Variants in ARHGAP15 observed in about 807,000 individuals in gnomAD.
ARHGAP15 encodes the protein Rho GTPase activating protein 15.
ARHGAP15 carries 51 observed loss-of-function variants against 63.7 expected under a neutral mutation model. The observed-to-expected ratio is 0.80, with a 90% confidence interval of 0.64 to 1.01. ARHGAP15 has a LOEUF of 1.01. ARHGAP15 is among the 50% of genes least tolerant of loss of function. ARHGAP15 has a pLI of 0.00. For missense variants in ARHGAP15, 560 were observed against 564.6 expected (o/e 0.99, Z 0.08); for synonymous variants, 191 against 193.8 (o/e 0.99, Z 0.12).
At chr2:143,470,649 G>A (rs1011797944) in intron 8 of ARHGAP15, among the ~76,000 whole-genome samples, 3 of 129,954 alleles carry the variant, frequency 2.3e-5, no homozygotes, top group South Asian at 5.1e-4. Context: ...ATATGTGTGT[G>A]TATATATATA....
At chr2:143,401,847 CTT>C (rs1688000390) in intron 6 of ARHGAP15, among the ~76,000 whole-genome samples, 1 of 151,914 alleles carries the variant, frequency 6.6e-6, no homozygotes, top group Non-Finnish European at 1.5e-5. Flanking sequence ...TTAAACTAAA[CTT>C]TTTAGAACGA....
At chr2:143,137,507 A>G (rs1573995208) in intron 1 of ARHGAP15, among the ~76,000 whole-genome samples, 1 of 152,066 alleles carries the variant, frequency 6.6e-6, no homozygotes, top group East Asian at 1.9e-4. Flanking sequence ...GTACAGTTTT[A>G]GTAAGTTGGC....
intron 12 of ARHGAP15, among the ~76,000 whole-genome samples, chr2:143,645,335 A>G (rs534913004): frequency 2.0e-5 from 3 of 152,068 alleles, no homozygotes; most frequent in Non-Finnish European, 2.9e-5. Context: ...CCATATAATT[A>G]TTATGATTGT....
At chr2:143,387,778 A>G (rs557052741) in intron 6 of ARHGAP15, among the ~76,000 whole-genome samples, 5 of 152,256 alleles carry the variant, frequency 3.3e-5, no homozygotes, top group South Asian at 4.1e-4. Context: ...CTGCTACTCC[A>G]GAACCCTTGT....
chr2:143,605,883 A>G (rs1233396073), intron 11 of ARHGAP15, among the ~76,000 whole-genome samples: 1 of 127,518 alleles, frequency 7.8e-6, no homozygotes, highest in Non-Finnish European at 1.6e-5. Flanking sequence ...AAAAAAAAAA[A>G]AAATTAGCCA....
chr2:143,143,351 A>T (rs1008730123), intron 1 of ARHGAP15, among the ~76,000 whole-genome samples: 1 of 152,080 alleles, frequency 6.6e-6, no homozygotes, highest in African/African-American at 2.4e-5. Flanking sequence ...TACAATATAC[A>T]ATTAACATAG....
chr2:143,740,427 A>C (rs1446535493), intron 13 of ARHGAP15, among the ~76,000 whole-genome samples: 1 of 152,256 alleles, frequency 6.6e-6, no homozygotes, highest in Non-Finnish European at 1.5e-5. Context: ...TTGAGCCATT[A>C]CACATGCAAA....
At chr2:143,614,237 A>G (rs1300582860) in intron 11 of ARHGAP15, among the ~76,000 whole-genome samples, 1 of 152,148 alleles carries the variant, frequency 6.6e-6, no homozygotes, top group Non-Finnish European at 1.5e-5. Flanking sequence ...CTAATCTTCT[A>G]TGTTCCCATA....
chr2:143,561,563 T>A (rs1696026758), intron 11 of ARHGAP15, among the ~76,000 whole-genome samples: 1 of 151,584 alleles, frequency 6.6e-6, no homozygotes, highest in East Asian at 1.9e-4. Flanking sequence ...TCACCCAGCC[T>A]GGAGTGCAGT....
intron 8 of ARHGAP15, among the ~76,000 whole-genome samples, chr2:143,442,952 A>C (rs1311749406): frequency 2.6e-5 from 4 of 152,168 alleles, no homozygotes; most frequent in Admixed American, 2.6e-4. Flanking sequence ...TGAAACATTG[A>C]TAACTCATTG....
Position 143,721,531 on chromosome 2 carries a change from G to A in ARHGAP15, c.1244+18007G>A, listed in dbSNP as rs538635588. ...CAGTGGTCTGTCAGGACCTGCAAGA[G>A]CCAAAAGTGTCTGACTCTCAAGATG... On this transcript the variant is annotated intron_variant, in intron 13 of 13. Transcript: ENST00000295095. 5.9e-5 allele frequency among the ~76,000 whole-genome samples: 9 copies of A among 152,178 alleles called. No individual in the cohort carries two copies. The South Asian group carries it at 8.3e-4, about 14-fold the overall frequency.
intron 11 of ARHGAP15, among the ~76,000 whole-genome samples, chr2:143,558,856 A>C (rs936092678): frequency 1.3e-5 from 2 of 151,990 alleles, no homozygotes; most frequent in African/African-American, 4.8e-5. Context: ...TTGCCACATG[A>C]CTCTTGTTTC....
At chr2:143,556,381 A>C in intron 10 of ARHGAP15, 27 bp from the exon 11 acceptor site, 1 of 1,553,302 alleles carries the variant, frequency 6.4e-7, no homozygotes, top group Non-Finnish European at 8.8e-7. Context: ...ATATGTGCTA[A>C]TATAAAATAT....
chr2:143,686,556 A>G (rs1188095044), intron 12 of ARHGAP15, among the ~76,000 whole-genome samples: 1 of 152,094 alleles, frequency 6.6e-6, no homozygotes, highest in Non-Finnish European at 1.5e-5. Flanking sequence ...GGAGATTAGT[A>G]TTGTCTTTTT....
At chr2:143,735,706 C>A (rs755105176) in intron 13 of ARHGAP15, among the ~76,000 whole-genome samples, 2 of 152,050 alleles carry the variant, frequency 1.3e-5, no homozygotes, top group African/African-American at 4.8e-5. Flanking sequence ...GAGGGAGAAG[C>A]AGTTTTCCCC....
chr2:143,165,994 G>GAAGGAAGGAAGGAAAA (rs1690498753), intron 2 of ARHGAP15, among the ~76,000 whole-genome samples: 1 of 129,830 alleles, frequency 7.7e-6, no homozygotes, highest in African/African-American at 3.0e-5. Context: ...AAGAAAGAAA[G>GAAGGAAGGAAGGAAAA]AAAGAAAGAA....
intron 5 of ARHGAP15, among the ~76,000 whole-genome samples, chr2:143,243,890 A>G (rs533165141): frequency 6.4e-4 from 98 of 152,172 alleles, no homozygotes; most frequent in African/African-American, 2.1e-3. Flanking sequence ...TACTTATTCT[A>G]GTTTTCTCTT....
chr2:143,732,455 A>G (rs1438194504), intron 13 of ARHGAP15, among the ~76,000 whole-genome samples: 1 of 152,214 alleles, frequency 6.6e-6, no homozygotes, highest in Non-Finnish European at 1.5e-5. Flanking sequence ...AGTATTAATC[A>G]GGTTAATATG....
chr2:143,492,779 G>A (rs910970275), intron 9 of ARHGAP15, among the ~76,000 whole-genome samples: 18 of 150,582 alleles, frequency 1.2e-4, no homozygotes, highest in African/African-American at 2.9e-4. Flanking sequence ...TCAATCATCC[G>A]GGCGTGGTGG....
Sources: allele counts gnomAD v4.1 joint callset (sites outside exome capture counted in the v4.1 genomes callset), GRCh38; gene constraint gnomAD v4.1.1; transcripts MANE v1.5; gene names NCBI Gene and HGNC (gene_info 2026-07-23, HGNC 2026-07-21).